The following AK8 variants were observed in gnomAD, a reference collection of about 807,000 sequenced individuals.
AK8 encodes adenylate kinase 8.
Under a neutral mutation model 54.6 loss-of-function variants are expected in AK8, and 44 were observed. The ratio of observed to expected loss-of-function variants is 0.81; its 90% CI spans 0.63 to 1.04. AK8 has a LOEUF of 1.04. Among genes scored for constraint, AK8 ranks in the 50% least tolerant of loss-of-function variants. AK8 has a pLI of 0.00. For synonymous variants in AK8, 239 were observed against 245.6 expected, an observed-to-expected ratio of 0.97 and a Z score of 0.25; for missense variants, 555 against 613.6, an observed-to-expected ratio of 0.90 and a Z score of 1.01.
intron 10 of AK8, among the ~76,000 whole-genome samples, chr9:132,793,535 C>G (rs528125499): frequency 1.3e-5 from 2 of 152,196 alleles, no homozygotes; most frequent in Admixed American, 6.5e-5. Flanking sequence ...TCCCCTTTCC[C>G]AAAATTCTCC....
At chr9:132,735,399 T>G (rs115847470) in intron 11 of AK8, among the ~76,000 whole-genome samples, 4 of 152,220 alleles carry the variant, frequency 2.6e-5, no homozygotes, top group Non-Finnish European at 5.9e-5. Flanking sequence ...ACTGCAAATA[T>G]GATGCCCGGT....
At chr9:132,777,001 T>G (rs568316488) in intron 11 of AK8, among the ~76,000 whole-genome samples, 2 of 152,274 alleles carry the variant, frequency 1.3e-5, no homozygotes, top group South Asian at 2.1e-4. Flanking sequence ...GTCTCAGATA[T>G]GAGTCTGATT....
rs1187911559 is a variant in AK8, at chr9:132,865,543, C to T, written c.219+1361G>A. Among the ~76,000 whole-genome samples, 6 of 151,774 alleles carry T rather than the reference C, an allele frequency of 4.0e-5. 1 individual carries two copies. Among genetic ancestry groups the T allele is most frequent in the South Asian group, 2.1e-4 (1 of 4,788 alleles). On this transcript the variant is annotated intron_variant, in intron 3 of 12. Transcript: ENST00000298545. ...TGGCACTTAAAAATGGACCTTAGGC[C>T]GGGCACGGTGGCTCACGCCTGTAAT... is the stretch of plus-strand genomic sequence containing the variant.
chr9:132,794,020 A>C (rs1320793118), intron 10 of AK8, among the ~76,000 whole-genome samples: 2 of 152,154 alleles, frequency 1.3e-5, no homozygotes, highest in African/African-American at 4.8e-5. Context: ...AGAGATGCAG[A>C]AAAATCACTG....
In AK8 at chr9:132,762,675, G is replaced by A. The variant is rs150761122; in HGVS notation, c.1121+29959C>T. Among the ~76,000 whole-genome samples, 199 of 152,190 alleles carry A rather than the reference G, an allele frequency of 1.3e-3. 1 individual carries two copies. The East Asian group carries it at 0.033, about 25-fold the overall frequency. On this transcript the variant is annotated intron_variant, in intron 11 of 12. Transcript: ENST00000298545. ...TCCCAGCACTTTGGGAGGCTGAGGC[G>A]GGCGGATCACCTGAGGTCAGGAGTT... is the stretch of plus-strand genomic sequence containing the variant.
intron 2 of AK8, among the ~76,000 whole-genome samples, chr9:132,868,544 C>G (rs1354127197): frequency 1.3e-5 from 2 of 152,200 alleles, no homozygotes; most frequent in African/African-American, 4.8e-5. Context: ...GATCCTTGTT[C>G]TCACTCCCTG....
chr9:132,861,954 G>A (rs1490920967), intron 4 of AK8, among the ~76,000 whole-genome samples: 1 of 152,164 alleles, frequency 6.6e-6, no homozygotes, highest in East Asian at 1.9e-4. Context: ...ACTTCAATGT[G>A]GTTTGAAATA....
chr9:132,801,398 C>T (rs1840452113), intron 10 of AK8, among the ~76,000 whole-genome samples: 1 of 152,170 alleles, frequency 6.6e-6, no homozygotes, highest in South Asian at 2.1e-4. Flanking sequence ...TTTTAAAGTA[C>T]ATTTTTACAT....
intron 10 of AK8, among the ~76,000 whole-genome samples, chr9:132,811,599 A>C (rs1202173673): frequency 6.6e-6 from 1 of 152,254 alleles, no homozygotes; most frequent in Non-Finnish European, 1.5e-5. Flanking sequence ...TGTTGTTCTA[A>C]ACCATGACAT....
At chr9:132,868,249 G>A (rs1004464507) in intron 2 of AK8, among the ~76,000 whole-genome samples, 1 of 152,158 alleles carries the variant, frequency 6.6e-6, no homozygotes, top group Non-Finnish European at 1.5e-5. Context: ...ACTAGACATC[G>A]TCCTTTTGGC....
At chr9:132,771,102 C>T (rs745720977) in intron 11 of AK8, among the ~76,000 whole-genome samples, 2 of 152,170 alleles carry the variant, frequency 1.3e-5, no homozygotes. Flanking sequence ...CGTCTCAGTC[C>T]GAGTCCGTCT....
chr9:132,863,310 C>T (rs910263975), intron 4 of AK8, among the ~76,000 whole-genome samples: 4 of 152,340 alleles, frequency 2.6e-5, no homozygotes, highest in East Asian at 1.9e-4. Context: ...CATCTCCTGG[C>T]GCGGGCCGCC....
At chr9:132,878,449 C>T, upstream of AK8, 7 of 1,226,228 alleles carry the variant, frequency 5.7e-6, no homozygotes, top group Non-Finnish European at 7.1e-6. This position sits in a 1 kb window ranked among gnomAD's most constrained non-coding sequence, Gnocchi z 4.7. Context: ...AAGTTCTTTC[C>T]CCAACCCCGG....
chr9:132,839,676 A>C (rs1316421933), intron 5 of AK8, among the ~76,000 whole-genome samples: 2 of 152,216 alleles, frequency 1.3e-5, no homozygotes, highest in Admixed American at 1.3e-4. Flanking sequence ...CTCACAGTTA[A>C]GGAAGAAGAA....
In AK8 at chr9:132,814,622, TG is replaced by T. The variant is rs1841233133; in HGVS notation, c.979+15del. 1 of 1,612,028 alleles carries T rather than the reference TG, an allele frequency of 6.2e-7. No homozygotes were observed. The highest frequency in any genetic ancestry group is 8.5e-7 in the Non-Finnish European group (1 of 1,178,764). ...GAGCCTGTAAGGTCATGACAGTTAG[TG>T]GGAACGTGGCCTACCTGCCATCTCC... On this transcript the variant is annotated intron_variant, in intron 10 of 12. Transcript: ENST00000298545.
intron 5 of AK8, among the ~76,000 whole-genome samples, chr9:132,845,982 G>A (rs1242998995): frequency 6.6e-6 from 1 of 152,014 alleles, no homozygotes; most frequent in African/African-American, 2.4e-5. Flanking sequence ...TTCTGGAGTG[G>A]GGAAAGAAGG....
At chr9:132,823,402 CCT>C (rs1841737858) in intron 8 of AK8, 66 bp from the exon 9 acceptor site, 5 of 1,601,000 alleles carry the variant, frequency 3.1e-6, no homozygotes, top group Non-Finnish European at 4.3e-6. Flanking sequence ...GCTTGCAGCC[CCT>C]CTGCTTTGAC....
At chr9:132,830,315 T>C (rs183064647) in intron 5 of AK8, among the ~76,000 whole-genome samples, 1 of 152,362 alleles carries the variant, frequency 6.6e-6, no homozygotes, top group Admixed American at 6.5e-5. Context: ...TTTCTAAAAG[T>C]TGATACCTTC....
intron 11 of AK8, among the ~76,000 whole-genome samples, chr9:132,745,518 T>C (rs1395799678): frequency 6.6e-6 from 1 of 151,930 alleles, no homozygotes; most frequent in Non-Finnish European, 1.5e-5. Flanking sequence ...AGCTCCAGAG[T>C]CGGGTGTCTG....
Sources: allele counts gnomAD v4.1 joint callset (sites outside exome capture counted in the v4.1 genomes callset), GRCh38; gene constraint gnomAD v4.1.1; non-coding constraint Gnocchi (gnomAD v3.1); transcripts MANE v1.5; gene names NCBI Gene and HGNC (gene_info 2026-07-23, HGNC 2026-07-21).